SMARCC1: variants seen among roughly 807,000 people sequenced by gnomAD.
SMARCC1 encodes the protein SWI/SNF related BAF chromatin remodeling complex subunit C1.
A neutral mutation model predicts 147.4 loss-of-function variants in SMARCC1; 43 were observed. The ratio of observed to expected loss-of-function variants is 0.29; its 90% CI spans 0.23 to 0.38. SMARCC1 has a LOEUF of 0.38. Among genes scored for constraint, SMARCC1 ranks in the 10% least tolerant of loss-of-function variants. SMARCC1 has a pLI of 1.00. For synonymous variants in SMARCC1, 495 were observed against 484.4 expected (o/e 1.02, Z -0.29); for missense variants, 1,119 against 1,381.1 (o/e 0.81, Z 3.01).
At chr3:47,669,824 C>T (rs1412667981) in intron 19 of SMARCC1, among the ~76,000 whole-genome samples, 1 of 152,196 alleles carries the variant, frequency 6.6e-6, no homozygotes, top group African/African-American at 2.4e-5. Flanking sequence ...GAAAAACCAT[C>T]AAAGCAGTAC....
chr3:47,638,597 C>T (rs750352494), intron 22 of SMARCC1, 128 bp downstream of exon 22: 1 of 706,862 alleles, frequency 1.4e-6, no homozygotes, highest in Non-Finnish European at 2.5e-6. Context: ...ATACCTTAAA[C>T]CAGCAAAGTC....
In SMARCC1 at chr3:47,629,248, G is replaced by C. The variant is rs532277305; in HGVS notation, c.2646+5942C>G. On this transcript the variant is annotated intron_variant, in intron 24 of 27. Transcript: ENST00000254480. ...TTCAAATTATAGTATCAGCATTCAAGAAGTTGTAAATAGGAACCACTCCTA... is the reference window on the plus strand; with the variant it reads ...TTCAAATTATAGTATCAGCATTCAACAAGTTGTAAATAGGAACCACTCCTA... 5.3e-5 allele frequency among the ~76,000 whole-genome samples: 8 copies of C among 152,248 alleles called. No homozygotes were observed. In the South Asian group the frequency reaches 1.7e-3, roughly 32 times the overall value.
At chr3:47,716,203 T>C (rs2106804273) in intron 7 of SMARCC1, among the ~76,000 whole-genome samples, 2 of 151,442 alleles carry the variant, frequency 1.3e-5, no homozygotes, top group Middle Eastern at 6.8e-3. Flanking sequence ...CCACCTGAAG[T>C]ATAAGGAGTT....
intron 26 of SMARCC1, 143 bp from the exon 27 acceptor site, chr3:47,590,980 C>G (rs1369773620): frequency 1.4e-6 from 1 of 739,356 alleles, no homozygotes; most frequent in East Asian, 3.1e-5. Context: ...GTAATAATCT[C>G]TATGTTTAGC....
chr3:47,618,269 C>T (rs2032674895), intron 25 of SMARCC1, among the ~76,000 whole-genome samples: 1 of 151,978 alleles, frequency 6.6e-6, no homozygotes, highest in Admixed American at 6.6e-5. Flanking sequence ...AAGCTGGACA[C>T]AGCAGCTCAT....
At chr3:47,611,486 A>G (rs922690359) in intron 25 of SMARCC1, among the ~76,000 whole-genome samples, 6 of 152,240 alleles carry the variant, frequency 3.9e-5, no homozygotes, top group African/African-American at 1.4e-4. Flanking sequence ...TGGATTATGT[A>G]AAACATCATT....
chr3:47,674,280 A>C (rs2033540926), intron 18 of SMARCC1, among the ~76,000 whole-genome samples: 1 of 152,124 alleles, frequency 6.6e-6, no homozygotes, highest in African/African-American at 2.4e-5. Context: ...TTCATCTGGG[A>C]TCATTATCCT....
chr3:47,679,752 CG>C (rs975305999), intron 15 of SMARCC1, among the ~76,000 whole-genome samples: 4 of 150,580 alleles, frequency 2.7e-5, no homozygotes, highest in African/African-American at 9.8e-5. Flanking sequence ...GTCTCAACTA[CG>C]TGGGAGGCTG....
At chr3:47,641,029 G>A (rs2033041219) in intron 21 of SMARCC1, among the ~76,000 whole-genome samples, 1 of 152,162 alleles carries the variant, frequency 6.6e-6, no homozygotes, top group Non-Finnish European at 1.5e-5. Context: ...GAAGGTTCCT[G>A]ATCTCCAGAA....
chr3:47,780,450 T>C (rs1389728373), intron 1 of SMARCC1, among the ~76,000 whole-genome samples: 2 of 152,064 alleles, frequency 1.3e-5, no homozygotes, highest in African/African-American at 4.8e-5. Flanking sequence ...CGGCCAGAAA[T>C]GGTCATTTCT....
chr3:47,701,135 A>T (rs1559648807), intron 11 of SMARCC1, 143 bp downstream of exon 11: 1 of 578,630 alleles, frequency 1.7e-6, no homozygotes, highest in Non-Finnish European at 2.8e-6. Context: ...AAAGAAAATT[A>T]AAAAAAGATA....
At chr3:47,695,762 C>CA (rs755840430) in intron 11 of SMARCC1, among the ~76,000 whole-genome samples, 21,290 of 59,618 alleles carry the variant, frequency 0.36, 3,733 homozygotes, top group African/African-American at 0.42. Flanking sequence ...GATTCTGTCT[C>CA]AAAAAAAAAA....
chr3:47,712,813 C>T (rs1467093042), intron 8 of SMARCC1, among the ~76,000 whole-genome samples: 1 of 152,156 alleles, frequency 6.6e-6, no homozygotes, highest in African/African-American at 2.4e-5. Context: ...GGTAAAACTA[C>T]TTAACTTGTG....
At chr3:47,606,370 T>TGG in intron 26 of SMARCC1, among the ~76,000 whole-genome samples, 1 of 152,360 alleles carries the variant, frequency 6.6e-6, no homozygotes, top group South Asian at 2.1e-4. Flanking sequence ...GTGTGAATCC[T>TGG]GGCTCTACCA....
chr3:47,754,264 G>A (rs2034662220), intron 2 of SMARCC1, among the ~76,000 whole-genome samples: 1 of 150,834 alleles, frequency 6.6e-6, no homozygotes, highest in Admixed American at 6.6e-5. Context: ...GTGCAGTGGT[G>A]CAATTTCAGC....
At chr3:47,719,985 C>G (rs1359329878) in intron 7 of SMARCC1, among the ~76,000 whole-genome samples, 1 of 152,056 alleles carries the variant, frequency 6.6e-6, no homozygotes, top group Non-Finnish European at 1.5e-5. Flanking sequence ...GATCCACCCA[C>G]CTTGGCCTCT....
intron 8 of SMARCC1, among the ~76,000 whole-genome samples, chr3:47,712,127 G>A (rs995633325): frequency 6.6e-6 from 1 of 152,182 alleles, no homozygotes; most frequent in South Asian, 2.1e-4. Flanking sequence ...AGCTACTCGG[G>A]AGGCTGAGGC....
intron 10 of SMARCC1, among the ~76,000 whole-genome samples, chr3:47,705,323 CAAAAAAAAAA>C (rs754344034): frequency 9.6e-6 from 1 of 103,754 alleles, no homozygotes; most frequent in Non-Finnish European, 1.9e-5. Flanking sequence ...GACTCCGTCT[CAAAAAAAAAA>C]AAAAAAAAAA....
chr3:47,691,691 G>C (rs776892346), intron 12 of SMARCC1, among the ~76,000 whole-genome samples: 1 of 151,422 alleles, frequency 6.6e-6, no homozygotes, highest in South Asian at 2.1e-4. Flanking sequence ...ATACCCACTC[G>C]TATCTGCCAT....
Sources: gnomAD v4.1 joint callset for allele counts (sites outside exome capture counted in the v4.1 genomes callset) on GRCh38, gnomAD v4.1.1 for gene constraint, MANE v1.5 for transcripts, NCBI Gene and HGNC (gene_info 2026-07-23, HGNC 2026-07-21) for gene names.